Variants in HECW2 observed in about 807,000 individuals in gnomAD.
HECW2 encodes the protein HECT, C2 and WW domain containing E3 ubiquitin protein ligase 2.
Under a neutral mutation model 175.2 loss-of-function variants are expected in HECW2, and 61 were observed. The ratio of observed to expected loss-of-function variants is 0.35; its 90% confidence interval spans 0.28 to 0.43. The LOEUF (loss-of-function observed/expected upper bound fraction) is 0.43. Ranked by LOEUF, HECW2 falls within the 20% of genes least tolerant of loss-of-function variation. The pLI, the probability that HECW2 is intolerant of heterozygous loss-of-function variation, is 1.00. For missense variants in HECW2, 1,524 were observed against 2,000.5 expected (o/e 0.76, Z 4.54); for synonymous variants, 671 against 731.0 (o/e 0.92, Z 1.32).
chr2:196,343,536 G>A lies in HECW2; in HGVS notation c.400+121C>T, dbSNP rs1692839528. The A allele has an allele frequency of 6.0e-6, 4 of 663,276 alleles. No individual in the cohort carries two copies. The South Asian group carries it at 8.3e-5, about 14-fold the overall frequency. The allele number at this position is 663,276 out of a possible 1,614,324, so 41.1% of individuals were successfully genotyped here. A position where few individuals can be genotyped will look rare whatever the true frequency, so the allele number is the denominator to read the frequency against. Reference sequence around the variant, plus strand: ...TCTAAAACAATATATTTTCCATCATGGCATAAATATGTAAATCCAAACCAA... The same window carrying A: ...TCTAAAACAATATATTTTCCATCATAGCATAAATATGTAAATCCAAACCAA... On this transcript the variant is annotated intron_variant, in intron 3 of 28. Transcript: ENST00000644978.
intron 1 of HECW2, among the ~76,000 whole-genome samples, chr2:196,540,547 T>C (rs1424719780): frequency 6.6e-6 from 1 of 152,144 alleles, no homozygotes; most frequent in Non-Finnish European, 1.5e-5. Context: ...CTGGCTCAAG[T>C]ATCCTCCTGC....
At position 196,195,788 on chromosome 2, in the gene HECW2, A is replaced by T. The variant is rs1402164174; in HGVS notation, c.*5489T>A. 1 of 152,254 alleles carries T rather than the reference A, an allele frequency of 6.6e-6. No individual in the cohort carries two copies. The highest frequency in any genetic ancestry group is 2.4e-5 in the African/African-American group (1 of 41,472). 9.4% of individuals were successfully genotyped at this position (152,254 alleles called of 1,614,324 possible). A position where few individuals can be genotyped will look rare whatever the true frequency, so the allele number is the denominator to read the frequency against. ...ATAATTCTTAAATAAAAAAATCCAC[A>T]ACATAATTTTATGCTAAATTGTCAA... On this transcript the variant is annotated 3_prime_UTR_variant, in exon 29 of 29. Transcript: ENST00000644978.
intron 1 of HECW2, among the ~76,000 whole-genome samples, chr2:196,550,331 C>T (rs962167801): frequency 6.6e-6 from 1 of 151,914 alleles, no homozygotes; most frequent in African/African-American, 2.4e-5. Flanking sequence ...CAAGTTCGAA[C>T]AGTGATGTGA....
At position 196,306,432 on chromosome 2, in the gene HECW2, G is replaced by A. The variant is rs566799994; in HGVS notation, c.2814+56C>T. 49 of 1,511,972 alleles carry A rather than the reference G, an allele frequency of 3.2e-5. No individual in the cohort carries two copies. In the East Asian group the frequency reaches 8.0e-4, roughly 25 times the overall value. The allele number at this position is 1,511,972 out of a possible 1,614,324, so 93.7% of individuals were successfully genotyped here. On this transcript the variant is annotated intron_variant, in intron 13 of 28. Coordinates refer to ENST00000644978, the MANE Select transcript of HECW2 (RefSeq NM_001348768.2). ...TTCCTGCTATTACTACAGAAACAAC[G>A]ATCATTTGCTTTGGCCTGCTGTTTT...
intron 1 of HECW2, among the ~76,000 whole-genome samples, chr2:196,461,669 AAAGGG>A (rs954614120): frequency 6.6e-6 from 1 of 152,158 alleles, no homozygotes; most frequent in African/African-American, 2.4e-5. Context: ...GCAGAAGGTT[AAAGGG>A]AAGCAAGGCA....
chr2:196,484,333 T>C (rs930820691), intron 1 of HECW2, among the ~76,000 whole-genome samples: 17 of 152,226 alleles, frequency 1.1e-4, no homozygotes, highest in African/African-American at 4.1e-4. Context: ...CTCTTGCAAC[T>C]TCCATATACT....
At chr2:196,494,418 G>A (rs1219423751) in intron 1 of HECW2, among the ~76,000 whole-genome samples, 1 of 152,196 alleles carries the variant, frequency 6.6e-6, no homozygotes, top group Non-Finnish European at 1.5e-5. Flanking sequence ...AGGTAACAGG[G>A]AAGATGATAC....
chr2:196,453,118 A>C (rs1400862845), intron 1 of HECW2, among the ~76,000 whole-genome samples: 5 of 152,202 alleles, frequency 3.3e-5, no homozygotes, highest in African/African-American at 1.2e-4. Context: ...CATGTAAGCA[A>C]ATTAATCCAC....
rs1263751977 is a variant in HECW2, at chr2:196,318,698, T to C, written c.2192A>G (p.Glu731Gly). The C allele has an allele frequency of 1.3e-6, 2 of 1,588,686 alleles. No homozygotes were observed. The highest frequency in any genetic ancestry group is 1.7e-6 in the Non-Finnish European group (2 of 1,167,732). The change falls in exon 9 of 29, where the codon GAG becomes GGG. Residue 731 changes from glutamate to glycine, a missense_variant. Coordinates refer to ENST00000644978, the MANE Select transcript of HECW2 (RefSeq NM_001348768.2). Reference protein sequence around the residue: ...GAESATVPDQEELGEVWQRRG... With the variant: ...GAESATVPDQGELGEVWQRRG... ...CCGCTGCCAGACCTCCCCCAGCTCCTCCTGGTCAGGTACAGTGGCCGATTC... is the reference window on the plus strand; with the variant it reads ...CCGCTGCCAGACCTCCCCCAGCTCCCCCTGGTCAGGTACAGTGGCCGATTC...
chr2:196,467,534 C>G (rs1697007850), intron 1 of HECW2, among the ~76,000 whole-genome samples: 2 of 152,212 alleles, frequency 1.3e-5, no homozygotes, highest in Non-Finnish European at 2.9e-5. Flanking sequence ...GTCATTCATT[C>G]TAATGTTGGT....
intron 2 of HECW2, among the ~76,000 whole-genome samples, chr2:196,383,827 C>T (rs139897945): frequency 2.6e-5 from 4 of 152,304 alleles, no homozygotes; most frequent in Non-Finnish European, 4.4e-5. Context: ...ATCCCTAAGA[C>T]GTGAACATGG....
At chr2:196,490,315 C>T (rs912152476) in intron 1 of HECW2, among the ~76,000 whole-genome samples, 3 of 152,164 alleles carry the variant, frequency 2.0e-5, no homozygotes, top group Non-Finnish European at 4.4e-5. Context: ...ATTTTCTCTC[C>T]CTTTTTTGTT....
chr2:196,440,323 A>G (rs1696002340), intron 1 of HECW2, among the ~76,000 whole-genome samples: 1 of 152,220 alleles, frequency 6.6e-6, no homozygotes, highest in South Asian at 2.1e-4. Flanking sequence ...ACTGGAAAGG[A>G]AATAAATCAA....
At chr2:196,231,905 C>T (rs551756572) in intron 21 of HECW2, among the ~76,000 whole-genome samples, 65 of 152,184 alleles carry the variant, frequency 4.3e-4, no homozygotes, top group Admixed American at 2.0e-3. Flanking sequence ...AGGAGAATGG[C>T]GTGAACCCAG....
chr2:196,588,729 A>G (rs1691076899), intron 1 of HECW2, among the ~76,000 whole-genome samples: 1 of 152,244 alleles, frequency 6.6e-6, no homozygotes, highest in African/African-American at 2.4e-5. Flanking sequence ...ATATGGATAT[A>G]ATACATATAC....
intron 28 of HECW2, among the ~76,000 whole-genome samples, chr2:196,207,826 C>A (rs950774459): frequency 2.0e-5 from 3 of 152,272 alleles, no homozygotes; most frequent in South Asian, 2.1e-4. Flanking sequence ...GGTTAAGGTG[C>A]ACTTGGATCT....
At chr2:196,549,293 A>C (rs1689530261) in intron 1 of HECW2, among the ~76,000 whole-genome samples, 1 of 152,180 alleles carries the variant, frequency 6.6e-6, no homozygotes, top group African/African-American at 2.4e-5. Flanking sequence ...TTTCCTGGTC[A>C]CACTCCCCTC....
chr2:196,252,178 A>AAATAATAATAATAAT (rs10666310), intron 19 of HECW2, among the ~76,000 whole-genome samples: 13,091 of 133,006 alleles, frequency 0.098, 778 homozygotes, highest in East Asian at 0.15. Context: ...CTCCGATTCA[A>AAATAATAATAATAAT]AATAATAATA....
chr2:196,397,783 T>C (rs1230412352), intron 2 of HECW2, among the ~76,000 whole-genome samples: 3 of 152,246 alleles, frequency 2.0e-5, no homozygotes, highest in African/African-American at 7.2e-5. Flanking sequence ...TTAGATATCA[T>C]TTCCTTCCAT....
Sources: allele counts gnomAD v4.1 joint callset (sites outside exome capture counted in the v4.1 genomes callset), GRCh38; gene constraint gnomAD v4.1.1; transcripts MANE v1.5; gene names NCBI Gene and HGNC (gene_info 2026-07-23, HGNC 2026-07-21).